The following RFC1 variants were observed in gnomAD, a reference collection of about 807,000 sequenced individuals.
RFC1 encodes A1 140 kDa subunit.
Under a neutral mutation model 137.4 loss-of-function variants are expected in RFC1, and 37 were observed. The ratio of observed to expected loss-of-function variants is 0.27; its 90% confidence interval spans 0.21 to 0.35. RFC1 has a LOEUF of 0.35. Among genes scored for constraint, RFC1 ranks in the 10% least tolerant of loss-of-function variants. The pLI, the probability that RFC1 is intolerant of heterozygous loss-of-function variation, is 1.00. For synonymous variants in RFC1, 429 were observed against 455.7 expected, an observed-to-expected ratio of 0.94 and a Z score of 0.75; for missense variants, 1,205 against 1,358.5, an observed-to-expected ratio of 0.89 and a Z score of 1.78.
At chr4:39,306,488 C>CCACACA (rs3830271) in intron 14 of RFC1, 104 bp downstream of exon 14, 18 of 585,616 alleles carry the variant, frequency 3.1e-5, no homozygotes, top group African/African-American at 2.5e-4. Flanking sequence ...TATATAGACA[C>CCACACA]CACACACACA....
In RFC1 at chr4:39,291,834, C is replaced by A; in HGVS notation, c.2973G>T (p.Arg991Ser). 1 of 1,614,026 alleles carries A rather than the reference C, an allele frequency of 6.2e-7. No individual in the cohort carries two copies. The highest frequency in any genetic ancestry group is 8.5e-7 in the Non-Finnish European group (1 of 1,179,906). Residue 991 changes from arginine to serine, a missense_variant, in exon 23 of 25, where the codon AGG becomes AGT. By Grantham distance (110) the Arg-to-Ser change is moderately radical. Around this residue, in one of 3 missense-constraint regions of RFC1, gnomAD observed 237 missense variants for 304.2 expected, o/e 0.78. Coordinates refer to ENST00000349703, the MANE Select transcript of RFC1 (RefSeq NM_002913.5). ...GCGACAGATAATCCATGTTTACAGT[C>A]CTTTTGCTGGAGTAAGTTCTGAAAC... is the stretch of plus-strand genomic sequence containing the variant. ...HMSLRTYSSKRTVNMDYLSLL... is the reference protein window; with the variant it reads ...HMSLRTYSSKSTVNMDYLSLL...
chr4:39,342,544 T>C, intron 3 of RFC1, 77 bp from the exon 4 acceptor site: 1 of 1,417,824 alleles, frequency 7.1e-7, no homozygotes, highest in Non-Finnish European at 9.7e-7. Context: ...GTAGTCACGG[T>C]GAACCAATTC....
At chr4:39,299,068 G>A (rs552355428) in intron 21 of RFC1, among the ~76,000 whole-genome samples, 12 of 152,228 alleles carry the variant, frequency 7.9e-5, no homozygotes, top group African/African-American at 2.2e-4. Flanking sequence ...CACCTGGCCC[G>A]CCCAGGGCAG....
chr4:39,335,560 A>T (rs1366129936), intron 4 of RFC1, among the ~76,000 whole-genome samples: 1 of 152,190 alleles, frequency 6.6e-6, no homozygotes, highest in African/African-American at 2.4e-5. Context: ...AAATAAGAGA[A>T]AAAAGTACTG....
chr4:39,308,575 C>T (rs1310139534), intron 13 of RFC1, 61 bp downstream of exon 13: 1 of 1,539,122 alleles, frequency 6.5e-7, no homozygotes, highest in East Asian at 2.3e-5. Context: ...CATATATGTG[C>T]CACTGAGCAA....
At chr4:39,351,285 ACTTATAAG>A in intron 2 of RFC1, 55 bp downstream of exon 2, 4 of 481,170 alleles carry the variant, frequency 8.3e-6, no homozygotes, top group African/African-American at 2.4e-5. Context: ...AAAAAAAAAA[ACTTATAAG>A]AACTGAGTTT....
intron 2 of RFC1, among the ~76,000 whole-genome samples, chr4:39,346,634 A>G (rs1740875414): frequency 6.6e-6 from 1 of 152,204 alleles, no homozygotes; most frequent in Non-Finnish European, 1.5e-5. Context: ...TAGAAATAGA[A>G]ACTATTTCTA....
chr4:39,346,402 G>T (rs1337027271), intron 2 of RFC1, among the ~76,000 whole-genome samples: 2 of 152,040 alleles, frequency 1.3e-5, no homozygotes, highest in Non-Finnish European at 2.9e-5. Context: ...CTTGAACCTG[G>T]GGGGCAGAGG....
intron 11 of RFC1, among the ~76,000 whole-genome samples, chr4:39,312,209 T>C (rs2381375): frequency 0.47 from 70,893 of 152,058 alleles, 16,726 homozygotes; most frequent in Middle Eastern, 0.49. Context: ...CAAGGCAACA[T>C]GCATGAGGAC....
intron 10 of RFC1, among the ~76,000 whole-genome samples, chr4:39,316,237 C>A (rs1270128837): frequency 6.6e-6 from 1 of 152,168 alleles, no homozygotes; most frequent in African/African-American, 2.4e-5. Flanking sequence ...ATTTCAAAAA[C>A]ACAAAATAAA....
intron 14 of RFC1, among the ~76,000 whole-genome samples, chr4:39,306,136 T>C (rs1738637982): frequency 6.6e-6 from 1 of 152,226 alleles, no homozygotes; most frequent in South Asian, 2.1e-4. Context: ...GATCACACAG[T>C]GCTGAAGAGC....
intron 1 of RFC1, among the ~76,000 whole-genome samples, chr4:39,356,323 C>CG (rs910181810): frequency 4.6e-5 from 7 of 151,996 alleles, no homozygotes; most frequent in Admixed American, 3.3e-4. Context: ...GGCTTGAGCC[C>CG]GGGAAGTGGA....
Position 39,320,554 on chromosome 4 carries a change from T to C in RFC1, c.924A>G (p.Gly308=), listed in dbSNP as rs1739469645. ...AACTGGCCTTGGGAGAAGAGACTTC[T>C]CCTATTTTGTCAGCTGATGACTTGG... is the stretch of plus-strand genomic sequence containing the variant. ...QHSKSSADKI[G]EVSSPKASSK... Residue 308 remains glycine (G), a synonymous_variant, in exon 9 of 25, where the codon GGA becomes GGG. Coordinates refer to ENST00000349703, the MANE Select transcript of RFC1 (RefSeq NM_002913.5). The C allele has an allele frequency of 6.2e-7, 1 of 1,613,250 alleles. No homozygotes were observed. The highest frequency in any genetic ancestry group is 8.5e-7 in the Non-Finnish European group (1 of 1,179,874).
intron 4 of RFC1, among the ~76,000 whole-genome samples, chr4:39,341,102 A>T (rs1740584028): frequency 6.6e-6 from 1 of 152,256 alleles, no homozygotes; most frequent in Non-Finnish European, 1.5e-5. Flanking sequence ...ATCTGTGATC[A>T]GAGCTTAAAT....
At chr4:39,300,437 C>A in intron 19 of RFC1, 23 bp from the exon 20 acceptor site, 1 of 1,600,248 alleles carries the variant, frequency 6.2e-7, no homozygotes, top group Non-Finnish European at 8.5e-7. Context: ...AGGGACACAC[C>A]TATTAGAATG....
At chr4:39,350,299 GAAGA>G (rs1456564476) in intron 2 of RFC1, among the ~76,000 whole-genome samples, 1 of 152,056 alleles carries the variant, frequency 6.6e-6, no homozygotes, top group Non-Finnish European at 1.5e-5. Flanking sequence ...TTCAAGAAGA[GAAGA>G]GAGAGAATGA....
chr4:39,363,273 T>G (rs1361835246), intron 1 of RFC1, among the ~76,000 whole-genome samples: 1 of 152,190 alleles, frequency 6.6e-6, no homozygotes, highest in Non-Finnish European at 1.5e-5. Flanking sequence ...TATTTTTAAT[T>G]TTCTTTCTAT....
At chr4:39,365,315 G>GCC (rs57378978) in intron 1 of RFC1, 4,249 of 218,134 alleles carry the variant, frequency 0.019, 83 homozygotes, top group Non-Finnish European at 0.023. Flanking sequence ...AATTTTCACC[G>GCC]CCCCCCCCCA....
intron 4 of RFC1, among the ~76,000 whole-genome samples, chr4:39,337,317 T>C (rs968415065): frequency 6.7e-6 from 1 of 150,342 alleles, no homozygotes; most frequent in Non-Finnish European, 1.5e-5. Context: ...GAGGTTGCGG[T>C]GACCCAAGAT....
Sources: allele counts gnomAD v4.1 joint callset (sites outside exome capture counted in the v4.1 genomes callset), GRCh38; gene constraint gnomAD v4.1.1; regional missense constraint gnomAD v4.1.1; transcripts MANE v1.5; gene names NCBI Gene and HGNC (gene_info 2026-07-23, HGNC 2026-07-21).